The following GPM6A variants were observed in gnomAD, a reference collection of about 807,000 sequenced individuals.
The protein encoded by GPM6A is glycoprotein M6A, also known as neuronal membrane glycoprotein M6-a.
GPM6A carries 7 observed loss-of-function variants against 32.1 expected under a neutral mutation model. The ratio of observed to expected loss-of-function variants is 0.22; its 90% CI spans 0.12 to 0.41. The LOEUF (loss-of-function observed/expected upper bound fraction) is 0.41. Ranked by LOEUF, GPM6A falls within the 10% of genes least tolerant of loss-of-function variation. The pLI is 1.00. For missense variants in GPM6A, 235 were observed against 347.2 expected (o/e 0.68, Z 2.57); for synonymous variants, 130 against 123.4 (o/e 1.05, Z -0.35).
intron 1 of GPM6A, among the ~76,000 whole-genome samples, chr4:175,729,962 T>C (rs2111138000): frequency 6.7e-6 from 1 of 148,628 alleles, no homozygotes; most frequent in Admixed American, 6.8e-5. Flanking sequence ...TATATATATA[T>C]AAAGTCAACT....
intron 1 of GPM6A, among the ~76,000 whole-genome samples, chr4:175,769,305 C>T (rs1193704702): frequency 6.6e-6 from 1 of 151,988 alleles, no homozygotes; most frequent in Non-Finnish European, 1.5e-5. Context: ...TCTTTCTAAG[C>T]CCCATTGAGA....
chr4:175,924,951 G>A (rs906251136), intron 1 of GPM6A, among the ~76,000 whole-genome samples: 2 of 151,910 alleles, frequency 1.3e-5, no homozygotes, highest in East Asian at 1.9e-4. Flanking sequence ...TTTTGGGAAA[G>A]CTTTTTAATT....
chr4:175,843,318 T>C (rs1326747366), intron 1 of GPM6A, among the ~76,000 whole-genome samples: 1 of 152,208 alleles, frequency 6.6e-6, no homozygotes, highest in Non-Finnish European at 1.5e-5. Context: ...TCTTTCCTTT[T>C]ACATTCATTT....
At chr4:175,819,982 G>A (rs1305905873) in intron 1 of GPM6A, among the ~76,000 whole-genome samples, 1 of 152,182 alleles carries the variant, frequency 6.6e-6, no homozygotes, top group Non-Finnish European at 1.5e-5. Flanking sequence ...CAACAAAAGT[G>A]TGATTTCAGA....
chr4:175,766,800 G>A (rs1293760705), intron 1 of GPM6A, among the ~76,000 whole-genome samples: 1 of 151,854 alleles, frequency 6.6e-6, no homozygotes, highest in Non-Finnish European at 1.5e-5. Flanking sequence ...AATTACAGGT[G>A]ACTGCCACCA....
intron 1 of GPM6A, chr4:175,872,785 AG>A (rs1341081940): frequency 6.6e-6 from 1 of 152,230 alleles, no homozygotes; most frequent in Non-Finnish European, 1.5e-5. Context: ...ATTAACATGT[AG>A]ACAGATGGTA....
chr4:175,758,595 T>C (rs1009518135), intron 1 of GPM6A, among the ~76,000 whole-genome samples: 1 of 152,170 alleles, frequency 6.6e-6, no homozygotes, highest in African/African-American at 2.4e-5. Flanking sequence ...AAATTAAATC[T>C]AAAAATGACC....
At chr4:175,677,315 G>T (rs1743427467) in intron 2 of GPM6A, among the ~76,000 whole-genome samples, 1 of 152,128 alleles carries the variant, frequency 6.6e-6, no homozygotes, top group Admixed American at 6.5e-5. Flanking sequence ...CCATTTTGGG[G>T]AAGTGAGGGG....
upstream of GPM6A, among the ~76,000 whole-genome samples, chr4:175,813,428 T>C (rs1181509459): frequency 1.3e-5 from 2 of 152,000 alleles, no homozygotes; most frequent in Admixed American, 6.6e-5. Flanking sequence ...ATAAACAGTA[T>C]CTCTTTCAAG....
chr4:175,822,093 G>T (rs937794507), intron 1 of GPM6A, among the ~76,000 whole-genome samples: 2 of 151,818 alleles, frequency 1.3e-5, no homozygotes, highest in Admixed American at 6.6e-5. Flanking sequence ...CATTTCTGAG[G>T]TTCATTTATT....
At chr4:175,857,397 T>A (rs1185674000) in intron 1 of GPM6A, among the ~76,000 whole-genome samples, 2 of 152,172 alleles carry the variant, frequency 1.3e-5, no homozygotes, top group Non-Finnish European at 2.9e-5. Flanking sequence ...AGGTAGATTC[T>A]GATAAGTTAA....
intron 1 of GPM6A, among the ~76,000 whole-genome samples, chr4:175,908,932 G>A (rs554848988): frequency 2.6e-4 from 38 of 148,962 alleles, no homozygotes; most frequent in African/African-American, 8.9e-4. Flanking sequence ...TACCCTATCC[G>A]TAAAAGCACA....
chr4:175,635,191 T>G (rs895546379), intron 6 of GPM6A, 134 bp from the exon 7 acceptor site: 4 of 667,816 alleles, frequency 6.0e-6, no homozygotes, highest in African/African-American at 1.8e-5. Context: ...ACAAAATTTC[T>G]TTGGTAACAG....
At chr4:175,797,384 C>A (rs1372727167) in intron 1 of GPM6A, among the ~76,000 whole-genome samples, 1 of 152,036 alleles carries the variant, frequency 6.6e-6, no homozygotes, top group Non-Finnish European at 1.5e-5. Context: ...GGGTAGGTAG[C>A]TGTTGAGATT....
intron 1 of GPM6A, among the ~76,000 whole-genome samples, chr4:175,823,358 C>T (rs1735337752): frequency 6.6e-6 from 1 of 152,148 alleles, no homozygotes; most frequent in African/African-American, 2.4e-5. Context: ...TGGCTCCATT[C>T]ACTTGAACCA....
intron 1 of GPM6A, among the ~76,000 whole-genome samples, chr4:175,869,667 G>A (rs1175575617): frequency 2.0e-5 from 3 of 151,994 alleles, no homozygotes; most frequent in African/African-American, 7.3e-5. Context: ...TGAGGTAGGA[G>A]AATCGCTTGA....
At chr4:175,746,388 C>T (rs1732104945) in intron 1 of GPM6A, among the ~76,000 whole-genome samples, 1 of 152,090 alleles carries the variant, frequency 6.6e-6, no homozygotes, top group African/African-American at 2.4e-5. Flanking sequence ...CTTGGGTTGC[C>T]AATACATTAA....
chr4:175,763,843 C>T (rs1277323130), intron 1 of GPM6A, among the ~76,000 whole-genome samples: 1 of 152,124 alleles, frequency 6.6e-6, no homozygotes, highest in Non-Finnish European at 1.5e-5. Flanking sequence ...TAAACTACTG[C>T]TGATATTAAT....
chr4:175,922,597 C>T (rs1246835653), intron 1 of GPM6A, among the ~76,000 whole-genome samples: 2 of 152,102 alleles, frequency 1.3e-5, no homozygotes, highest in African/African-American at 4.8e-5. Flanking sequence ...AAAACTTTTC[C>T]AAGGTGGTAT....
Sources: allele counts gnomAD v4.1 joint callset (sites outside exome capture counted in the v4.1 genomes callset), GRCh38; gene constraint gnomAD v4.1.1; transcripts MANE v1.5; gene names NCBI Gene and HGNC (gene_info 2026-07-23, HGNC 2026-07-21).